R3HCC1L: variants seen among roughly 807,000 people sequenced by gnomAD.
R3HCC1L encodes coiled-coil domain-containing protein R3HCC1L.
In R3HCC1L, 51 loss-of-function variants were observed where a neutral mutation model predicts 59.9. The observed-to-expected ratio is 0.85, with a 90% CI of 0.68 to 1.07. The LOEUF is 1.07. Ranked by LOEUF, R3HCC1L falls within the 50% of genes least tolerant of loss-of-function variation. The probability of loss-of-function intolerance (pLI) is 0.00; values close to 1 mark genes in which losing one functional copy is unlikely to be tolerated. For missense variants in R3HCC1L, 965 were observed against 933.0 expected, an observed-to-expected ratio of 1.03 and a Z score of -0.45; for synonymous variants, 322 against 315.2, an observed-to-expected ratio of 1.02 and a Z score of -0.23.
rs76103923 is a variant in R3HCC1L, at chr10:98,236,815, A to G, written c.2269+651A>G. On this transcript the variant is annotated intron_variant, in intron 9 of 9. Transcript: ENST00000298999. ...CTCTCTCTCCTCTACAGGCTGTTGA[A>G]TTGTATGTAAAGGCTTGGGACTCTG... is the stretch of plus-strand genomic sequence containing the variant. Among the ~76,000 whole-genome samples the G allele has an allele frequency of 1.7e-3, 253 of 152,256 alleles. 1 individual carries two copies. Among genetic ancestry groups the G allele is most frequent in the African/African-American group, 5.8e-3 (241 of 41,546 alleles).
chr10:98,190,172 A>G (rs1850672629), intron 4 of R3HCC1L, among the ~76,000 whole-genome samples: 1 of 152,200 alleles, frequency 6.6e-6, no homozygotes, highest in Non-Finnish European at 1.5e-5. Flanking sequence ...AAATCTGTGC[A>G]TGTTCAGTAC....
Position 98,208,814 on chromosome 10 carries a change from A to G in R3HCC1L, c.700A>G (p.Ile234Val). 6.2e-7 allele frequency: 1 copy of G among 1,614,048 alleles called. No homozygotes were observed. Among genetic ancestry groups the G allele is most frequent in the Non-Finnish European group, 8.5e-7 (1 of 1,179,972 alleles). ...FSSVMKPENM[I>V]VPIKLSSDSE... is the part of the protein sequence containing the mutation. ...TTCTGTCATGAAACCTGAGAATATG[A>G]TTGTACCAATAAAACTAAGCTCTGA... Residue 234 changes from isoleucine (I) to valine (V), a missense_variant, in exon 5 of 10, where the codon ATT becomes GTT. Physicochemically the swap from Ile to Val is conservative, Grantham distance 29 (BLOSUM62 3). Transcript: ENST00000298999.
At chr10:98,147,561 T>C (rs1489238140) in intron 1 of R3HCC1L, among the ~76,000 whole-genome samples, 1 of 152,198 alleles carries the variant, frequency 6.6e-6, no homozygotes, top group East Asian at 1.9e-4. Flanking sequence ...TGTAAGTCTT[T>C]AATCCATTTT....
intron 1 of R3HCC1L, among the ~76,000 whole-genome samples, chr10:98,154,722 A>T (rs1000434532): frequency 1.3e-5 from 2 of 152,192 alleles, no homozygotes; most frequent in Non-Finnish European, 2.9e-5. Flanking sequence ...CTAGATGAAG[A>T]ATACAGGGTA....
rs566995292 is a variant in R3HCC1L, at chr10:98,139,317, G to A, written c.-268+4611G>A. Reference sequence around the variant, plus strand: ...AGCTTATATAAATATATGATTAGCCGTCACACTATGTATAAAACTCGTGAC... The same window carrying A: ...AGCTTATATAAATATATGATTAGCCATCACACTATGTATAAAACTCGTGAC... On this transcript the variant is annotated intron_variant, in intron 1 of 9. Transcript: ENST00000298999. 4.6e-5 allele frequency among the ~76,000 whole-genome samples: 7 copies of A among 152,260 alleles called. No individual in the cohort carries two copies. The South Asian group carries it at 6.2e-4, about 14-fold the overall frequency.
intron 4 of R3HCC1L, among the ~76,000 whole-genome samples, chr10:98,170,322 T>C (rs1418396742): frequency 6.6e-6 from 1 of 152,042 alleles, no homozygotes; most frequent in Non-Finnish European, 1.5e-5. Context: ...AAGCTTTTTG[T>C]TGGTTTGTTT....
chr10:98,225,320 C>A (rs936410292), intron 5 of R3HCC1L, among the ~76,000 whole-genome samples: 9 of 152,216 alleles, frequency 5.9e-5, no homozygotes, highest in Non-Finnish European at 1.3e-4. Flanking sequence ...CCTTTCTTTG[C>A]CTCACTTCCA....
chr10:98,187,862 A>G (rs1421182601), intron 4 of R3HCC1L, among the ~76,000 whole-genome samples: 1 of 151,146 alleles, frequency 6.6e-6, no homozygotes, highest in East Asian at 1.9e-4. Context: ...TCAGCCTCCT[A>G]AGTAGGTAGG....
Position 98,209,432 on chromosome 10 carries a change from C to G in R3HCC1L, c.1318C>G (p.Pro440Ala), listed in dbSNP as rs879064855. The change falls in exon 5 of 10, where the codon CCT becomes GCT. Residue 440 changes from proline (P) to alanine (A), a missense_variant. Pro to Ala is a conservative substitution (Grantham distance 27). Coordinates refer to ENST00000298999, the MANE Select transcript of R3HCC1L (RefSeq NM_001351015.2). The part of the protein sequence containing the change: ...SGNDTEDFSN[P>A]SACSDIYGES... ...GAATGACACTGAAGATTTCAGCAACCCTTCTGCTTGCTCAGATATTTATGG... is the reference window on the plus strand; with the variant it reads ...GAATGACACTGAAGATTTCAGCAACGCTTCTGCTTGCTCAGATATTTATGG... 7 of 1,613,564 alleles carry G rather than the reference C, an allele frequency of 4.3e-6. No individual in the cohort carries two copies. The Admixed American group carries it at 8.3e-5, about 19-fold the overall frequency.
intron 2 of R3HCC1L, among the ~76,000 whole-genome samples, chr10:98,161,428 G>A (rs914879541): frequency 8.6e-5 from 13 of 151,978 alleles, no homozygotes; most frequent in African/African-American, 2.9e-4. Flanking sequence ...CTCTTTACTG[G>A]TGATGTATGT....
intron 4 of R3HCC1L, among the ~76,000 whole-genome samples, chr10:98,176,109 T>A (rs758642139): frequency 6.6e-6 from 1 of 152,150 alleles, no homozygotes; most frequent in Non-Finnish European, 1.5e-5. Context: ...TCTTCTGGAC[T>A]CTTACTGCGT....
At chr10:98,174,822 A>G in intron 4 of R3HCC1L, 1 of 939,150 alleles carries the variant, frequency 1.1e-6, no homozygotes, top group Non-Finnish European at 1.3e-6. Context: ...TGAGTGAGAA[A>G]GTCTAGAAAA....
intron 1 of R3HCC1L, among the ~76,000 whole-genome samples, chr10:98,153,152 C>G (rs1181163901): frequency 6.6e-6 from 1 of 152,050 alleles, no homozygotes; most frequent in Non-Finnish European, 1.5e-5. Context: ...ATGACAATGG[C>G]GGTTTTGTGG....
At chr10:98,242,426 C>T (rs979016019) in intron 9 of R3HCC1L, among the ~76,000 whole-genome samples, 6 of 152,158 alleles carry the variant, frequency 3.9e-5, no homozygotes, top group African/African-American at 1.4e-4. Flanking sequence ...ACGCCAAAAT[C>T]AGACACATTA....
rs1014341739 is a variant in R3HCC1L at position 98,236,049 on chromosome 10, T to C, written c.2154T>C (p.Arg718=). 4 of 1,613,948 alleles carry C rather than the reference T, an allele frequency of 2.5e-6. No individual in the cohort carries two copies. Among genetic ancestry groups the C allele is most frequent in the Admixed American group, 3.3e-5 (2 of 60,000 alleles). The part of the protein sequence containing the change: ...YAEFLQPAKE[R]PETSAALARR... ...AGTTCCTCCAGCCAGCAAAGGAGCG[T>C]CCTGAGACTTCAGCAGCCCTAGCCA... The change falls in exon 9 of 10, where the codon CGT becomes CGC. Residue 718 remains arginine (R), a synonymous_variant. Transcript: ENST00000298999.
At chr10:98,213,739 A>C (rs1853853405) in intron 5 of R3HCC1L, among the ~76,000 whole-genome samples, 1 of 152,192 alleles carries the variant, frequency 6.6e-6, no homozygotes, top group Non-Finnish European at 1.5e-5. Flanking sequence ...CAGAGTACAG[A>C]GTTCCCTTGT....
At chr10:98,211,056 A>G (rs184386262) in intron 5 of R3HCC1L, among the ~76,000 whole-genome samples, 2 of 152,330 alleles carry the variant, frequency 1.3e-5, no homozygotes, top group Non-Finnish European at 1.5e-5. Flanking sequence ...GTCAGGAAAC[A>G]CTATATCTTA....
At chr10:98,217,128 T>C (rs985420506) in intron 5 of R3HCC1L, among the ~76,000 whole-genome samples, 1 of 152,234 alleles carries the variant, frequency 6.6e-6, no homozygotes, top group Non-Finnish European at 1.5e-5. Context: ...TTGCTAGGGC[T>C]GTCATACAGA....
intron 4 of R3HCC1L, among the ~76,000 whole-genome samples, chr10:98,191,056 A>C (rs1334605771): frequency 1.3e-5 from 2 of 152,092 alleles, no homozygotes; most frequent in Non-Finnish European, 2.9e-5. Context: ...TTTATCATTG[A>C]TGGACATTTG....
Sources: gnomAD v4.1 joint callset for allele counts (sites outside exome capture counted in the v4.1 genomes callset) on GRCh38, gnomAD v4.1.1 for gene constraint, MANE v1.5 for transcripts, NCBI Gene and HGNC (gene_info 2026-07-23, HGNC 2026-07-21) for gene names.